KPNA1: variants seen among roughly 807,000 people sequenced by gnomAD.
The protein encoded by KPNA1 is karyopherin subunit alpha 1.
KPNA1 carries 10 observed loss-of-function variants against 70.5 expected under a neutral mutation model. The observed-to-expected ratio is 0.14, with a 90% confidence interval of 0.09 to 0.24. KPNA1 has a LOEUF of 0.24. Ranked by LOEUF, KPNA1 falls within the 10% of genes least tolerant of loss-of-function variation. The pLI is 1.00. For missense variants in KPNA1, 397 were observed against 637.9 expected (o/e 0.62, Z 4.07); for synonymous variants, 192 against 221.9 (o/e 0.87, Z 1.20).
Position 122,479,276 on chromosome 3 carries a change from TTA to T in KPNA1, c.130-11849_130-11848del, listed in dbSNP as rs1290988527. 2.0e-5 allele frequency among the ~76,000 whole-genome samples: 3 copies of T among 152,116 alleles called. No homozygotes were observed. In the East Asian group the frequency reaches 5.8e-4, roughly 29 times the overall value. ...CAAGCATATGAAGAGGTAACCCATA[TTA>T]TATGTTATCAGGGAAACGCAAACTA... On this transcript the variant is annotated intron_variant, in intron 2 of 13. Coordinates refer to ENST00000344337, the MANE Select transcript of KPNA1 (RefSeq NM_002264.4).
intron 6 of KPNA1, among the ~76,000 whole-genome samples, chr3:122,453,471 A>G (rs562742576): frequency 2.1e-4 from 32 of 152,230 alleles, no homozygotes; most frequent in African/African-American, 6.7e-4. Flanking sequence ...ACCAAAGCCA[A>G]CTGGTGAAAC....
intron 10 of KPNA1, among the ~76,000 whole-genome samples, chr3:122,440,371 G>T (rs1388915361): frequency 2.0e-5 from 3 of 152,210 alleles, no homozygotes; most frequent in Non-Finnish European, 2.9e-5. Flanking sequence ...GGCAGTCAGA[G>T]CAAGGGGTAG....
chr3:122,452,322 C>T (rs2076211165), intron 6 of KPNA1, among the ~76,000 whole-genome samples: 1 of 151,702 alleles, frequency 6.6e-6, no homozygotes, highest in Non-Finnish European at 1.5e-5. Flanking sequence ...GTATGGAGTG[C>T]AACACAGTGA....
chr3:122,441,835 A>C (rs866525800), intron 10 of KPNA1, among the ~76,000 whole-genome samples: 1 of 152,220 alleles, frequency 6.6e-6, no homozygotes, highest in South Asian at 2.1e-4. Context: ...TCCTGAGCTC[A>C]GGCAATCCGT....
At chr3:122,493,064 T>C (rs751485202) in intron 2 of KPNA1, among the ~76,000 whole-genome samples, 3 of 152,214 alleles carry the variant, frequency 2.0e-5, no homozygotes, top group African/African-American at 4.8e-5. Flanking sequence ...ATTCATTAAG[T>C]GCTTAAAATA....
At chr3:122,454,898 C>T (rs1447404855) in intron 5 of KPNA1, among the ~76,000 whole-genome samples, 1 of 152,166 alleles carries the variant, frequency 6.6e-6, no homozygotes, top group Non-Finnish European at 1.5e-5. Context: ...AAATATATCT[C>T]TAACACTAAC....
intron 12 of KPNA1, among the ~76,000 whole-genome samples, chr3:122,431,233 C>T (rs1340730069): frequency 6.6e-6 from 1 of 152,166 alleles, no homozygotes; most frequent in East Asian, 1.9e-4. Flanking sequence ...ACGATCTTGT[C>T]TCACTGCAAC....
At chr3:122,477,853 T>C (rs1251046054) in intron 2 of KPNA1, among the ~76,000 whole-genome samples, 1 of 123,072 alleles carries the variant, frequency 8.1e-6, no homozygotes, top group Non-Finnish European at 1.7e-5. Context: ...ATTTGAAATA[T>C]CTGTATCAAA....
At chr3:122,461,192 G>A in intron 5 of KPNA1, 32 bp downstream of exon 5, 1 of 1,361,580 alleles carries the variant, frequency 7.3e-7, no homozygotes, top group Non-Finnish European at 1.0e-6. Context: ...AAGGAATTAA[G>A]TTATGAGGCA....
intron 4 of KPNA1, among the ~76,000 whole-genome samples, chr3:122,462,993 C>T (rs946424519): frequency 4.6e-5 from 7 of 152,056 alleles, no homozygotes; most frequent in Admixed American, 1.3e-4. Flanking sequence ...GAGGCAGAGG[C>T]AGACGGATCA....
At chr3:122,497,600 C>A (rs934659367) in intron 1 of KPNA1, among the ~76,000 whole-genome samples, 1 of 152,166 alleles carries the variant, frequency 6.6e-6, no homozygotes, top group Non-Finnish European at 1.5e-5. Flanking sequence ...TTAAAACTTT[C>A]ATTGAAACCA....
rs2075798510 is a variant in KPNA1, at chr3:122,424,613, T to TC, written c.*2371dup. 6.6e-6 allele frequency: 1 copy of TC among 152,656 alleles called. No homozygotes were observed. Among genetic ancestry groups the TC allele is most frequent in the South Asian group, 2.1e-4 (1 of 4,832 alleles). 9.5% of individuals were successfully genotyped at this position (152,656 alleles called of 1,614,324 possible). A position where few individuals can be genotyped will look rare whatever the true frequency, so the allele number is the denominator to read the frequency against. On this transcript the variant is annotated 3_prime_UTR_variant, in exon 14 of 14. Coordinates refer to ENST00000344337, the MANE Select transcript of KPNA1 (RefSeq NM_002264.4). ...GTTTTAATTCACTCACTGAAACATC[T>TC]CCAACTACTAGCAAAAATTCCGAAT...
intron 9 of KPNA1, among the ~76,000 whole-genome samples, chr3:122,445,436 G>A (rs993092612): frequency 4.6e-5 from 7 of 152,282 alleles, no homozygotes; most frequent in Middle Eastern, 6.8e-3. Context: ...CATAAGTGAA[G>A]GAGAAATAAA....
intron 2 of KPNA1, among the ~76,000 whole-genome samples, chr3:122,477,344 A>T (rs570630423): frequency 6.6e-6 from 1 of 152,280 alleles, no homozygotes; most frequent in African/African-American, 2.4e-5. Context: ...AGTTCAAGAG[A>T]TCTATTGTAC....
intron 11 of KPNA1, 111 bp downstream of exon 11, chr3:122,437,059 C>G: frequency 9.3e-7 from 1 of 1,070,778 alleles, no homozygotes; most frequent in South Asian, 1.5e-5. Context: ...GGATTACAGG[C>G]AGGAGCCACC....
At chr3:122,449,217 A>T (rs954733229) in intron 9 of KPNA1, among the ~76,000 whole-genome samples, 2 of 152,240 alleles carry the variant, frequency 1.3e-5, no homozygotes, top group African/African-American at 2.4e-5. Flanking sequence ...TACTTGTCTA[A>T]AATAAGCTCT....
At chr3:122,464,454 C>T (rs2107747671) in intron 3 of KPNA1, among the ~76,000 whole-genome samples, 1 of 152,318 alleles carries the variant, frequency 6.6e-6, no homozygotes, top group Admixed American at 6.5e-5. Context: ...CCTTATTACA[C>T]TCCCAGATAT....
chr3:122,437,586 G>GT (rs1165437717), intron 10 of KPNA1, among the ~76,000 whole-genome samples: 3 of 152,146 alleles, frequency 2.0e-5, no homozygotes, highest in Non-Finnish European at 4.4e-5. Flanking sequence ...TCCCAATAGC[G>GT]TAAGTCTTCT....
chr3:122,444,358 C>T (rs551839638), intron 9 of KPNA1, among the ~76,000 whole-genome samples: 9 of 152,212 alleles, frequency 5.9e-5, no homozygotes, highest in African/African-American at 1.7e-4. Flanking sequence ...ACATCCTCAG[C>T]TTATGAAGAT....
Sources: gnomAD v4.1 joint callset for allele counts (sites outside exome capture counted in the v4.1 genomes callset) on GRCh38, gnomAD v4.1.1 for gene constraint, MANE v1.5 for transcripts, NCBI Gene and HGNC (gene_info 2026-07-23, HGNC 2026-07-21) for gene names.